Variants in ABI3BP observed in about 807,000 individuals in gnomAD.
ABI3BP encodes ABI family member 3 binding protein.
A neutral mutation model predicts 268.6 loss-of-function variants in ABI3BP; 216 were observed. The observed-to-expected ratio is 0.80, with a 90% CI of 0.72 to 0.90. The LOEUF is 0.90. Ranked by LOEUF, ABI3BP falls within the 40% of genes least tolerant of loss-of-function variation. The pLI is 0.00. For missense variants in ABI3BP, 2,090 were observed against 2,182.4 expected (o/e 0.96, Z 0.84); for synonymous variants, 730 against 730.0 (o/e 1.00, Z 0.00).
intron 20 of ABI3BP, chr3:100,844,046 A>C (rs1232588437): frequency 1.0e-6 from 1 of 981,112 alleles, no homozygotes; most frequent in East Asian, 1.1e-4. Flanking sequence ...GTTTAGTAAA[A>C]ATAAATATAT....
At chr3:100,988,452 C>A (rs1203336692) in intron 1 of ABI3BP, among the ~76,000 whole-genome samples, 1 of 152,112 alleles carries the variant, frequency 6.6e-6, no homozygotes. Context: ...TGAGCTTTGG[C>A]CCCTGGGGTT....
chr3:100,796,983 G>C (rs1041579705), intron 51 of ABI3BP, among the ~76,000 whole-genome samples: 1 of 152,056 alleles, frequency 6.6e-6, no homozygotes, highest in Non-Finnish European at 1.5e-5. Flanking sequence ...TTGCTGGGGG[G>C]AGAAAATGAA....
intron 1 of ABI3BP, among the ~76,000 whole-genome samples, chr3:100,980,707 T>C (rs2088910078): frequency 6.6e-6 from 1 of 152,196 alleles, no homozygotes; most frequent in Non-Finnish European, 1.5e-5. Context: ...GAGGTTTATA[T>C]GTTGAAATAG....
intron 63 of ABI3BP, among the ~76,000 whole-genome samples, chr3:100,761,638 G>A (rs1337232621): frequency 6.6e-6 from 1 of 152,146 alleles, no homozygotes; most frequent in Non-Finnish European, 1.5e-5. Context: ...TATACACTGT[G>A]AAAGGAAAGG....
intron 1 of ABI3BP, among the ~76,000 whole-genome samples, chr3:100,947,830 A>G (rs2073199616): frequency 6.6e-6 from 1 of 152,274 alleles, no homozygotes; most frequent in East Asian, 1.9e-4. Flanking sequence ...TGGTAGCAGG[A>G]AATAGACCCA....
At chr3:100,970,364 G>A (rs1048628717) in intron 1 of ABI3BP, among the ~76,000 whole-genome samples, 2 of 152,050 alleles carry the variant, frequency 1.3e-5, no homozygotes, top group African/African-American at 4.8e-5. Context: ...TGGACACCTG[G>A]GGAAGTAGCT....
Position 100,899,207 on chromosome 3 carries a change from G to T in ABI3BP, c.329-313C>A, listed in dbSNP as rs1582578563. ...TAGTTTTATTTTCTTGTGGGTCAGGGAAGGATATGGAGGTCTTAGCTGTGA... is the reference window on the plus strand; with the variant it reads ...TAGTTTTATTTTCTTGTGGGTCAGGTAAGGATATGGAGGTCTTAGCTGTGA... On this transcript the variant is annotated intron_variant, in intron 3 of 67. Coordinates refer to ENST00000471714, the MANE Select transcript of ABI3BP (RefSeq NM_001375547.2). Among the ~76,000 whole-genome samples, 5 of 152,298 alleles carry T rather than the reference G, an allele frequency of 3.3e-5. No individual in the cohort carries two copies. The South Asian group carries it at 1.0e-3, about 32-fold the overall frequency.
At chr3:100,933,638 T>C (rs1378486069) in intron 1 of ABI3BP, among the ~76,000 whole-genome samples, 1 of 148,486 alleles carries the variant, frequency 6.7e-6, no homozygotes, top group African/African-American at 2.5e-5. Context: ...TTGCAATATA[T>C]ATATATATCT....
chr3:100,885,455 A>G, intron 6 of ABI3BP, 81 bp downstream of exon 6: 1 of 745,766 alleles, frequency 1.3e-6, no homozygotes, highest in South Asian at 3.3e-5. Context: ...ATCTAATTTC[A>G]GTATCTTATA....
intron 4 of ABI3BP, among the ~76,000 whole-genome samples, chr3:100,889,021 C>T (rs1397538234): frequency 6.6e-6 from 1 of 151,948 alleles, no homozygotes; most frequent in African/African-American, 2.4e-5. Context: ...ACTATAATAT[C>T]TCTAAGTAAC....
rs750699132 is a variant in ABI3BP at position 100,839,559 on chromosome 3, G to A, written c.1945+10C>T. 2.7e-5 allele frequency: 42 copies of A among 1,535,678 alleles called. No individual in the cohort carries two copies. Among genetic ancestry groups the A allele is most frequent in the South Asian group, 2.0e-4 (17 of 84,054 alleles). On this transcript the variant is annotated intron_variant, in intron 24 of 67. Transcript: ENST00000471714. ...CGTGAAAGCAGCCGTGGTGGAGGGA[G>A]TAGAATTACCAGTTGTGGGCACCAA...
intron 1 of ABI3BP, among the ~76,000 whole-genome samples, chr3:100,982,022 AG>A (rs1228736688): frequency 2.6e-5 from 4 of 152,198 alleles, no homozygotes; most frequent in African/African-American, 9.6e-5. Context: ...ATGGCTGGGG[AG>A]GCCTCAGGAA....
intron 1 of ABI3BP, among the ~76,000 whole-genome samples, chr3:100,965,960 T>C (rs1562130257): frequency 6.6e-6 from 1 of 152,196 alleles, no homozygotes; most frequent in Non-Finnish European, 1.5e-5. Flanking sequence ...ATGAATGCTT[T>C]AAGGGAGGAC....
At position 100,874,910 on chromosome 3, in the gene ABI3BP, T is replaced by C. The variant is rs762797145; in HGVS notation, c.841A>G (p.Asn281Asp). 2.4e-5 allele frequency: 38 copies of C among 1,596,564 alleles called. No individual in the cohort carries two copies. The highest frequency in any genetic ancestry group is 3.2e-5 in the Non-Finnish European group (38 of 1,169,500). The change falls in exon 9 of 68, where the codon AAT becomes GAT. Residue 281 changes from asparagine to aspartate, a missense_variant. Physicochemically the swap from Asn to Asp is conservative, Grantham distance 23. Coordinates refer to ENST00000471714, the MANE Select transcript of ABI3BP (RefSeq NM_001375547.2). ...ILVHLIIPGLNETTVKLPASL... is the reference protein window; with the variant it reads ...ILVHLIIPGLDETTVKLPASL... ...GCAGGAAGTTTTACAGTAGTTTCAT[T>C]AAGACCTGGAATAATAAGGTGGACT...
intron 63 of ABI3BP, 59 bp from the exon 64 acceptor site, chr3:100,754,750 A>T (rs2095525098): frequency 1.5e-6 from 2 of 1,370,034 alleles, no homozygotes; most frequent in Admixed American, 3.9e-5. Flanking sequence ...AGGAGGCAAC[A>T]TTGCCCTATT....
intron 32 of ABI3BP, 36 bp downstream of exon 32, chr3:100,830,542 G>A (rs1195868867): frequency 2.0e-6 from 3 of 1,517,746 alleles, no homozygotes; most frequent in South Asian, 1.2e-5. Flanking sequence ...AAATGAGCAG[G>A]AGAGGCAGAT....
rs780075572 is a variant in ABI3BP at position 100,851,904 on chromosome 3, T to C, written c.1322A>G (p.Asp441Gly). ...GTAGGAATCTGATATCTCAGGCTCA[T>C]CTGATGTTGTAGGGCTTGAGAAAAC... ...YDVFSSPTTSDEPEISDSYTA... is the reference protein window; with the variant it reads ...YDVFSSPTTSGEPEISDSYTA... The change falls in exon 15 of 68, where the codon GAT (aspartate) becomes GGT (glycine). Residue 441 changes from aspartate (D) to glycine (G), a missense_variant. Coordinates refer to ENST00000471714, the MANE Select transcript of ABI3BP (RefSeq NM_001375547.2). 1 of 1,589,924 alleles carries C rather than the reference T, an allele frequency of 6.3e-7. No homozygotes were observed. Among genetic ancestry groups the C allele is most frequent in the East Asian group, 2.3e-5 (1 of 44,338 alleles).
intron 11 of ABI3BP, 193 bp downstream of exon 11, chr3:100,864,640 C>G (rs2099031830): frequency 1.9e-6 from 1 of 538,836 alleles, no homozygotes; most frequent in Admixed American, 3.5e-5. Flanking sequence ...TCACCAGGAT[C>G]AGCCATGTGG....
chr3:100,822,035 T>C (rs950178626), intron 38 of ABI3BP, among the ~76,000 whole-genome samples: 1 of 152,164 alleles, frequency 6.6e-6, no homozygotes, highest in Non-Finnish European at 1.5e-5. Flanking sequence ...CAAGGCTCTA[T>C]TTCTCCTTAA....
Sources: allele counts gnomAD v4.1 joint callset (sites outside exome capture counted in the v4.1 genomes callset), GRCh38; gene constraint gnomAD v4.1.1; transcripts MANE v1.5; gene names NCBI Gene and HGNC (gene_info 2026-07-23, HGNC 2026-07-21).